The following EPB41L4A variants were observed in gnomAD, a reference collection of about 807,000 sequenced individuals.
EPB41L4A encodes band 4.1-like protein 4A.
A neutral mutation model predicts 108.6 loss-of-function variants in EPB41L4A; 100 were observed. That is an observed-to-expected ratio of 0.92 (90% CI 0.78 to 1.09). The LOEUF (loss-of-function observed/expected upper bound fraction) is 1.09. Ranked by LOEUF, EPB41L4A falls within the 50% of genes least tolerant of loss-of-function variation. EPB41L4A has a pLI of 0.00. For synonymous variants in EPB41L4A, 319 were observed against 289.0 expected (o/e 1.10, Z -1.05); for missense variants, 1,030 against 842.7 (o/e 1.22, Z -2.75).
chr5:112,302,359 G>A (rs1754421729), intron 2 of EPB41L4A, among the ~76,000 whole-genome samples: 1 of 152,020 alleles, frequency 6.6e-6, no homozygotes, highest in Non-Finnish European at 1.5e-5. Flanking sequence ...AAAAAATCTT[G>A]AAAATCACTG....
At chr5:112,384,296 T>G (rs1158095698) in intron 1 of EPB41L4A, among the ~76,000 whole-genome samples, 4 of 152,062 alleles carry the variant, frequency 2.6e-5, no homozygotes, top group African/African-American at 9.7e-5. Flanking sequence ...ATAATATAGA[T>G]GACTATTCTG....
chr5:112,205,984 G>T, intron 13 of EPB41L4A: 1 of 154,968 alleles, frequency 6.5e-6, no homozygotes, highest in Non-Finnish European at 1.4e-5. Context: ...ACCTTTTCCT[G>T]GCTTCCGCCT....
chr5:112,359,999 T>TA (rs1242187864), intron 1 of EPB41L4A, among the ~76,000 whole-genome samples: 3 of 152,218 alleles, frequency 2.0e-5, no homozygotes, highest in African/African-American at 7.2e-5. Flanking sequence ...TTTTTCATTT[T>TA]AAAAAATATT....
chr5:112,339,580 C>T (rs1184934965), intron 1 of EPB41L4A, among the ~76,000 whole-genome samples: 11 of 146,824 alleles, frequency 7.5e-5, no homozygotes, highest in Non-Finnish European at 1.6e-4. Context: ...GTTGCCCAGG[C>T]TGGAGTACAG....
chr5:112,279,026 C>G (rs1415620085), intron 3 of EPB41L4A, among the ~76,000 whole-genome samples: 1 of 141,600 alleles, frequency 7.1e-6, no homozygotes, highest in African/African-American at 2.7e-5. Context: ...GAGCTCGCCA[C>G]TGCACTCCAG....
intron 2 of EPB41L4A, among the ~76,000 whole-genome samples, chr5:112,302,566 C>T (rs1378604481): frequency 6.6e-6 from 1 of 152,116 alleles, no homozygotes; most frequent in Admixed American, 6.5e-5. Context: ...CCCTATGAAG[C>T]TGGTACTATT....
chr5:112,201,244 C>G (rs1762205672), intron 15 of EPB41L4A, among the ~76,000 whole-genome samples: 2 of 152,186 alleles, frequency 1.3e-5, no homozygotes, highest in African/African-American at 4.8e-5. Context: ...GTGCATCAGG[C>G]AAAAGGCTCT....
At chr5:112,273,726 C>A (rs1213845152) in intron 4 of EPB41L4A, among the ~76,000 whole-genome samples, 2 of 152,134 alleles carry the variant, frequency 1.3e-5, no homozygotes, top group African/African-American at 4.8e-5. Context: ...GAAGGACTTT[C>A]ATTTTATTTT....
intron 4 of EPB41L4A, among the ~76,000 whole-genome samples, chr5:112,270,084 T>C (rs188886879): frequency 1.3e-5 from 2 of 152,124 alleles, no homozygotes; most frequent in Admixed American, 1.3e-4. Flanking sequence ...ATTTAGCAAT[T>C]AGAGGCAAGA....
intron 1 of EPB41L4A, among the ~76,000 whole-genome samples, chr5:112,392,338 T>C (rs577820832): frequency 7.3e-6 from 1 of 136,390 alleles, no homozygotes; most frequent in African/African-American, 2.8e-5. Flanking sequence ...ACATCTCACA[T>C]GCAGAGACAC....
intron 1 of EPB41L4A, among the ~76,000 whole-genome samples, chr5:112,387,672 T>G (rs17134456): frequency 0.026 from 3,886 of 152,242 alleles, 185 homozygotes; most frequent in African/African-American, 0.087. Context: ...ATTTCCAAAT[T>G]TTCCTTTGAG....
In EPB41L4A at chr5:112,268,577, CAGT is replaced by C. The variant is rs552282882; in HGVS notation, c.336-2250_336-2248del. On this transcript the variant is annotated intron_variant, in intron 4 of 22. Transcript: ENST00000261486. ...TCTTCCTCTATTAAGACTTTGTGCA[CAGT>C]GGTTCACACCTGTAACCCCAGTATT... Among the ~76,000 whole-genome samples, 465 of 152,026 alleles carry C rather than the reference CAGT, an allele frequency of 3.1e-3. 1 individual carries two copies. Among genetic ancestry groups the C allele is most frequent in the Middle Eastern group, 6.8e-3 (2 of 294 alleles).
chr5:112,165,166 A>C, intron 22 of EPB41L4A, 48 bp from the exon 23 acceptor site: 1 of 1,459,136 alleles, frequency 6.9e-7, no homozygotes, highest in South Asian at 1.2e-5. Context: ...AAAACAGCCA[A>C]ATGAAGTATT....
intron 4 of EPB41L4A, among the ~76,000 whole-genome samples, chr5:112,271,992 CG>C (rs1752288206): frequency 1.3e-5 from 2 of 152,086 alleles, no homozygotes; most frequent in Non-Finnish European, 2.9e-5. Flanking sequence ...ATTCTATTAA[CG>C]TACATTTTTC....
chr5:112,166,316 G>T (rs1210819835), intron 22 of EPB41L4A, among the ~76,000 whole-genome samples: 1 of 152,170 alleles, frequency 6.6e-6, no homozygotes, highest in Non-Finnish European at 1.5e-5. Flanking sequence ...TCTCCGCTTG[G>T]CAGCCAGATG....
In EPB41L4A at chr5:112,418,930, G is replaced by A. The variant is rs760847879; in HGVS notation, c.99+11C>T. 6.2e-7 allele frequency: 1 copy of A among 1,609,510 alleles called. No individual in the cohort carries two copies. The highest frequency in any genetic ancestry group is 1.1e-5 in the South Asian group (1 of 90,826). On this transcript the variant is annotated intron_variant, in intron 1 of 22. Transcript: ENST00000261486. ...CGCCAACCCCCGGAACGCGCTCCGG[G>A]CCGCACCCACCTTGATGCCCTGCTG...
At chr5:112,311,309 C>A (rs1244109516) in intron 1 of EPB41L4A, among the ~76,000 whole-genome samples, 1 of 152,076 alleles carries the variant, frequency 6.6e-6, no homozygotes, top group Non-Finnish European at 1.5e-5. Context: ...CAACTGTATA[C>A]TAAAAATATC....
intron 1 of EPB41L4A, among the ~76,000 whole-genome samples, chr5:112,317,658 T>C (rs1755516637): frequency 6.6e-6 from 1 of 152,234 alleles, no homozygotes; most frequent in Admixed American, 6.5e-5. Flanking sequence ...CAACAGATGA[T>C]GCATAAAGTA....
At chr5:112,304,523 C>A (rs1447440901) in intron 2 of EPB41L4A, among the ~76,000 whole-genome samples, 1 of 152,202 alleles carries the variant, frequency 6.6e-6, no homozygotes, top group Admixed American at 6.5e-5. Flanking sequence ...ATCTTAAAAC[C>A]AGAAGTAGTA....
Sources: allele counts gnomAD v4.1 joint callset (sites outside exome capture counted in the v4.1 genomes callset), GRCh38; gene constraint gnomAD v4.1.1; transcripts MANE v1.5; gene names NCBI Gene and HGNC (gene_info 2026-07-23, HGNC 2026-07-21).